The following BCL2L14 variants were observed in gnomAD, a reference collection of about 807,000 sequenced individuals.
BCL2L14 encodes apoptosis facilitator Bcl-2-like protein 14.
In BCL2L14, 27 loss-of-function variants were observed where a neutral mutation model predicts 35.3. The ratio of observed to expected loss-of-function variants is 0.76; its 90% confidence interval spans 0.56 to 1.05. The LOEUF (loss-of-function observed/expected upper bound fraction) is 1.05, where lower values mean the gene tolerates loss of function less well. Ranked by LOEUF, BCL2L14 falls within the 50% of genes least tolerant of loss-of-function variation. BCL2L14 has a pLI of 0.00. For missense variants in BCL2L14, 377 were observed against 382.6 expected, an observed-to-expected ratio of 0.99 and a Z score of 0.12; for synonymous variants, 139 against 145.9, an observed-to-expected ratio of 0.95 and a Z score of 0.34.
At chr12:12,075,929 G>A (rs1308214300) in intron 1 of BCL2L14, among the ~76,000 whole-genome samples, 3 of 151,892 alleles carry the variant, frequency 2.0e-5, no homozygotes, top group Non-Finnish European at 4.4e-5. Flanking sequence ...CCAGAGGCTT[G>A]ATCAGATTCG....
intron 3 of BCL2L14, among the ~76,000 whole-genome samples, chr12:12,088,242 C>G (rs541175260): frequency 1.5e-4 from 23 of 152,260 alleles, no homozygotes; most frequent in African/African-American, 5.3e-4. Flanking sequence ...TTCTGGCCTG[C>G]GACAGAGTGC....
intron 1 of BCL2L14, among the ~76,000 whole-genome samples, chr12:12,075,568 G>T (rs1948764447): frequency 6.6e-6 from 1 of 152,072 alleles, no homozygotes; most frequent in African/African-American, 2.4e-5. Flanking sequence ...TGGGATTGCA[G>T]GCATGTGCCA....
At chr12:12,057,869 G>C (rs1444586917) in intron 2 of BCL2L14, among the ~76,000 whole-genome samples, 1 of 151,752 alleles carries the variant, frequency 6.6e-6, no homozygotes, top group African/African-American at 2.4e-5. Context: ...ACAGTGCCTG[G>C]GCTCCCTCAA....
At chr12:12,081,598 G>A (rs943064508) in intron 2 of BCL2L14, among the ~76,000 whole-genome samples, 66 of 147,954 alleles carry the variant, frequency 4.5e-4, no homozygotes, top group African/African-American at 1.5e-3. Flanking sequence ...TTGCTCTGTC[G>A]CCCAGGCTGG....
At position 12,079,336 on chromosome 12, in the gene BCL2L14, G is replaced by C. The variant is rs1948856793; in HGVS notation, c.31G>C (p.Glu11Gln). MCSTSGCDLE[E>Q]IPLDDDDLNT... is the part of the protein sequence containing the mutation. ...TAGCACCAGTGGGTGTGACCTGGAA[G>C]AAATCCCCCTAGATGATGATGACCT... The change falls in exon 2 of 6, where the codon GAA becomes CAA. Residue 11 changes from glutamate to glutamine, a missense_variant. By Grantham distance (29) the Glu-to-Gln change is conservative (BLOSUM62 2). Coordinates refer to ENST00000308721, the MANE Select transcript of BCL2L14 (RefSeq NM_138723.2). 3.1e-6 allele frequency: 5 copies of C among 1,614,074 alleles called. No homozygotes were observed. The highest frequency in any genetic ancestry group is 2.2e-5 in the East Asian group (1 of 44,886).
At chr12:12,092,362 A>C (rs1199024705) in intron 4 of BCL2L14, among the ~76,000 whole-genome samples, 5 of 152,202 alleles carry the variant, frequency 3.3e-5, no homozygotes, top group Non-Finnish European at 7.3e-5. Context: ...CTTGGTTGTT[A>C]TTTCCTTTAC....
At chr12:12,056,603 G>A (rs1297439287) in intron 2 of BCL2L14, among the ~76,000 whole-genome samples, 1 of 152,238 alleles carries the variant, frequency 6.6e-6, no homozygotes, top group Non-Finnish European at 1.5e-5. Context: ...GGAGGCCAAG[G>A]TGGGCGGATC....
At chr12:12,080,113 G>C (rs1441934271) in intron 2 of BCL2L14, among the ~76,000 whole-genome samples, 1 of 151,976 alleles carries the variant, frequency 6.6e-6, no homozygotes, top group Non-Finnish European at 1.5e-5. Context: ...GCTGAGGCAG[G>C]AGAATGGCGT....
chr12:12,064,309 T>TG (rs35159412), intron 2 of BCL2L14, among the ~76,000 whole-genome samples: 39,308 of 151,410 alleles, frequency 0.26, 5,327 homozygotes, highest in Middle Eastern at 0.31. Flanking sequence ...TTTGATTTTT[T>TG]TTTTCTTTTT....
chr12:12,051,155 G>A (rs939865662), intron 1 of BCL2L14, among the ~76,000 whole-genome samples: 10 of 152,176 alleles, frequency 6.6e-5, no homozygotes, highest in Admixed American at 2.0e-4. Context: ...AAGAGTGAGG[G>A]AGGGGTTAAT....
chr12:12,053,652 T>C (rs1948390415), intron 2 of BCL2L14, among the ~76,000 whole-genome samples: 1 of 152,188 alleles, frequency 6.6e-6, no homozygotes, highest in African/African-American at 2.4e-5. Context: ...ACTTCCAACC[T>C]CAGGTACCCG....
intron 2 of BCL2L14, among the ~76,000 whole-genome samples, chr12:12,081,492 G>A (rs1233785824): frequency 5.5e-5 from 8 of 146,558 alleles, no homozygotes; most frequent in East Asian, 3.9e-4. Flanking sequence ...CCCTTCATGC[G>A]CACACCTTGG....
At chr12:12,059,628 G>A (rs61923174) in intron 2 of BCL2L14, among the ~76,000 whole-genome samples, 8,532 of 151,292 alleles carry the variant, frequency 0.056, 287 homozygotes, top group Non-Finnish European at 0.073. Flanking sequence ...CCCCTTCTCC[G>A]TGTCTCTACT....
intron 2 of BCL2L14, among the ~76,000 whole-genome samples, chr12:12,057,528 C>T (rs1394378420): frequency 6.6e-5 from 10 of 152,176 alleles, no homozygotes; most frequent in East Asian, 1.9e-4. Context: ...GAGGCCGAGG[C>T]GGGTGGATCA....
Position 12,083,817 on chromosome 12 carries a change from G to A in BCL2L14, c.434-3396G>A, listed in dbSNP as rs1055389484. Among the ~76,000 whole-genome samples, 12 of 152,254 alleles carry A rather than the reference G, an allele frequency of 7.9e-5. No individual in the cohort carries two copies. In the East Asian group the frequency reaches 2.3e-3, roughly 29 times the overall value. ...ACAAAAATTAGCCAGGCGCCATGGTGCGCGCCTGCAGTCTCAGCTACTCGA... is the reference window on the plus strand; with the variant it reads ...ACAAAAATTAGCCAGGCGCCATGGTACGCGCCTGCAGTCTCAGCTACTCGA... On this transcript the variant is annotated intron_variant, in intron 2 of 5. Coordinates refer to ENST00000308721, the MANE Select transcript of BCL2L14 (RefSeq NM_138723.2).
intron 2 of BCL2L14, among the ~76,000 whole-genome samples, chr12:12,058,964 C>A (rs1408981749): frequency 6.6e-6 from 1 of 152,244 alleles, no homozygotes; most frequent in Non-Finnish European, 1.5e-5. Flanking sequence ...TCTCCAACCT[C>A]CCTAACCCTC....
intron 1 of BCL2L14, among the ~76,000 whole-genome samples, chr12:12,073,852 G>T (rs1183735250): frequency 6.6e-6 from 1 of 151,972 alleles, no homozygotes; most frequent in Non-Finnish European, 1.5e-5. Flanking sequence ...TCCATGTCTG[G>T]TCTCTTGCTA....
intron 2 of BCL2L14, among the ~76,000 whole-genome samples, chr12:12,064,042 G>T (rs1948565071): frequency 6.6e-6 from 1 of 152,162 alleles, no homozygotes; most frequent in Non-Finnish European, 1.5e-5. Flanking sequence ...CACAAAGCCT[G>T]TTTAGTAGTC....
At chr12:12,064,972 T>G (rs1948576944) in intron 2 of BCL2L14, among the ~76,000 whole-genome samples, 1 of 152,184 alleles carries the variant, frequency 6.6e-6, no homozygotes, top group South Asian at 2.1e-4. Flanking sequence ...CTTCTATTAT[T>G]TTGTCTTCAC....
Sources: gnomAD v4.1 joint callset for allele counts (sites outside exome capture counted in the v4.1 genomes callset) on GRCh38, gnomAD v4.1.1 for gene constraint, MANE v1.5 for transcripts, NCBI Gene and HGNC (gene_info 2026-07-23, HGNC 2026-07-21) for gene names.